Variants in SLC26A5 observed in about 807,000 individuals in gnomAD.
SLC26A5 encodes prestin.
In SLC26A5, 51 loss-of-function variants were observed where a neutral mutation model predicts 81.0. The ratio of observed to expected loss-of-function variants is 0.63; its 90% confidence interval spans 0.50 to 0.80. SLC26A5 has a LOEUF of 0.80. Among genes scored for constraint, SLC26A5 ranks in the 30% least tolerant of loss-of-function variants. The pLI, the probability that SLC26A5 is intolerant of heterozygous loss-of-function variation, is 0.00. For synonymous variants in SLC26A5, 325 were observed against 332.8 expected (o/e 0.98, Z 0.25); for missense variants, 771 against 905.8 (o/e 0.85, Z 1.91).
intron 19 of SLC26A5, among the ~76,000 whole-genome samples, chr7:103,366,847 C>T (rs1820743478): frequency 6.6e-6 from 1 of 152,052 alleles, no homozygotes; most frequent in African/African-American, 2.4e-5. Flanking sequence ...CTCTGTTGCT[C>T]AGGTTGGAGT....
chr7:103,445,044 T>C (rs955391812), intron 1 of SLC26A5, among the ~76,000 whole-genome samples: 2 of 152,200 alleles, frequency 1.3e-5, no homozygotes, highest in African/African-American at 4.8e-5. Context: ...CTAGTGCACA[T>C]TGTTCAGTTT....
rs1824392539 is a variant in SLC26A5 at position 103,410,409 on chromosome 7, G to A, written c.711C>T (p.Tyr237=). The change falls in exon 7 of 20, where the codon TAC becomes TAT. Residue 237 remains tyrosine, a synonymous_variant. Transcript: ENST00000306312. Reference sequence around the variant, plus strand: ...CATACACCACGGAAAAGATTCCACTGTACCGCTTTGTTTTAACTCCAAACA... The same window carrying A: ...CATACACCACGGAAAAGATTCCACTATACCGCTTTGTTTTAACTCCAAACA... The part of the protein sequence containing the change: ...KYLFGVKTKR[Y]SGIFSVVYST... 3.1e-6 allele frequency: 5 copies of A among 1,613,934 alleles called. No homozygotes were observed. The highest frequency in any genetic ancestry group is 1.1e-5 in the South Asian group (1 of 91,080).
intron 2 of SLC26A5, among the ~76,000 whole-genome samples, chr7:103,438,914 C>A (rs903978634): frequency 6.6e-6 from 1 of 152,126 alleles, no homozygotes; most frequent in South Asian, 2.1e-4. Context: ...TAAAAAATTT[C>A]TCAATTTTTA....
chr7:103,381,911 C>T (rs961539393), intron 14 of SLC26A5, among the ~76,000 whole-genome samples: 3 of 146,936 alleles, frequency 2.0e-5, no homozygotes, highest in African/African-American at 7.4e-5. Context: ...ATACATACAT[C>T]ACATACACCT....
At chr7:103,362,409 A>T (rs938307041) in intron 19 of SLC26A5, 211 of 1,341,570 alleles carry the variant, frequency 1.6e-4, no homozygotes, top group Middle Eastern at 5.8e-4. Flanking sequence ...AAGTGTGTTA[A>T]TGTCTATAGA....
intron 4 of SLC26A5, among the ~76,000 whole-genome samples, chr7:103,413,602 G>A (rs1032098887): frequency 1.3e-5 from 2 of 152,062 alleles, no homozygotes; most frequent in African/African-American, 2.4e-5. Context: ...TTTGGCTGGT[G>A]TATGCTCATC....
intron 5 of SLC26A5, among the ~76,000 whole-genome samples, 195 bp from the exon 6 acceptor site, chr7:103,411,781 CA>C (rs1315153571): frequency 6.6e-6 from 1 of 152,122 alleles, no homozygotes; most frequent in Non-Finnish European, 1.5e-5. Context: ...CTGTATTTTC[CA>C]AAAATAGACA....
At chr7:103,441,416 T>C (rs2108264) in intron 2 of SLC26A5, among the ~76,000 whole-genome samples, 46,818 of 152,080 alleles carry the variant, frequency 0.31, 8,346 homozygotes, top group East Asian at 0.62. Context: ...GAATTTACAA[T>C]GTAATGGCAA....
At chr7:103,439,595 G>A (rs1185857342) in intron 2 of SLC26A5, among the ~76,000 whole-genome samples, 3 of 152,108 alleles carry the variant, frequency 2.0e-5, no homozygotes, top group African/African-American at 7.2e-5. Flanking sequence ...GTGCAGTGGT[G>A]CGATCACAGC....
intron 9 of SLC26A5, among the ~76,000 whole-genome samples, chr7:103,395,317 A>C (rs1239702885): frequency 7.0e-6 from 1 of 142,976 alleles, no homozygotes; most frequent in Admixed American, 7.0e-5. Context: ...TCTCCTCTGG[A>C]TAGCCTGTTT....
At chr7:103,362,764 A>G in intron 19 of SLC26A5, 1 of 1,572,878 alleles carries the variant, frequency 6.4e-7, no homozygotes, top group Non-Finnish European at 8.7e-7. Flanking sequence ...TGCAGGTAAG[A>G]AACTATGGGA....
chr7:103,352,844 C>T (rs1207027463), exon 20 of SLC26A5: 1 of 780,790 alleles, frequency 1.3e-6, no homozygotes, highest in Non-Finnish European at 2.4e-6. Context: ...AAACCCTGTC[C>T]ACCTGGCCCC....
In SLC26A5 at chr7:103,413,117, G is replaced by A. The variant is rs754691304; in HGVS notation, c.293-5C>T. On this transcript the variant is annotated splice_region_variant and splice_polypyrimidine_tract_variant and intron_variant, in intron 4 of 19. Transcript: ENST00000306312. ...CCAGCATTGCAAAGGCTAAGCCTGT[G>A]GGATTAAAAACCAAACAGAAATGGG... 33 of 1,603,934 alleles carry A rather than the reference G, an allele frequency of 2.1e-5. No homozygotes were observed. Among genetic ancestry groups the A allele is most frequent in the Middle Eastern group, 1.6e-4 (1 of 6,062 alleles).
At chr7:103,402,638 A>C (rs1823696462) in intron 8 of SLC26A5, among the ~76,000 whole-genome samples, 1 of 151,546 alleles carries the variant, frequency 6.6e-6, no homozygotes, top group Admixed American at 6.6e-5. Flanking sequence ...TGACTTTCTG[A>C]TTTGCCTGCC....
chr7:103,378,111 G>C (rs1300141141), intron 17 of SLC26A5, among the ~76,000 whole-genome samples: 3 of 152,030 alleles, frequency 2.0e-5, no homozygotes, highest in African/African-American at 4.8e-5. Context: ...ACTTTAGTAT[G>C]ATGGGTCACA....
intron 19 of SLC26A5, among the ~76,000 whole-genome samples, chr7:103,358,613 T>TA (rs1427426765): frequency 5.9e-5 from 9 of 152,072 alleles, no homozygotes; most frequent in Non-Finnish European, 8.8e-5. Flanking sequence ...ATTTCTCAGG[T>TA]AAAAAAACTC....
Position 103,420,857 on chromosome 7 carries a change from C to A in SLC26A5, c.173G>T (p.Arg58Ile). 3 of 1,611,974 alleles carry A rather than the reference C, an allele frequency of 1.9e-6. No individual in the cohort carries two copies. Among genetic ancestry groups the A allele is most frequent in the Non-Finnish European group, 2.5e-6 (3 of 1,178,202 alleles). Residue 58 changes from arginine to isoleucine, a missense_variant, in exon 4 of 20, where the codon AGA becomes ATA. Physicochemically the swap from Arg to Ile is moderately conservative, Grantham distance 97 (BLOSUM62 -3). Coordinates refer to ENST00000306312, the MANE Select transcript of SLC26A5 (RefSeq NM_198999.3). ...QAFTCTPKKI[R>I]NIIYMFLPIT... ...GGGTAGGAACATATAAATGATATTTCTTATTTTTTTAGGAGTACATCTGAA... is the reference window on the plus strand; with the variant it reads ...GGGTAGGAACATATAAATGATATTTATTATTTTTTTAGGAGTACATCTGAA...
intron 2 of SLC26A5, among the ~76,000 whole-genome samples, chr7:103,422,758 A>G (rs544370101): frequency 6.6e-6 from 1 of 152,312 alleles, no homozygotes; most frequent in East Asian, 1.9e-4. Context: ...CATTTGAACT[A>G]TATACCTCAT....
At chr7:103,395,610 G>A (rs917811349) in intron 9 of SLC26A5, among the ~76,000 whole-genome samples, 6 of 147,394 alleles carry the variant, frequency 4.1e-5, no homozygotes, top group African/African-American at 1.5e-4. Flanking sequence ...TGCAACCTCC[G>A]CCTTCTGGTT....
Sources: allele counts gnomAD v4.1 joint callset (sites outside exome capture counted in the v4.1 genomes callset), GRCh38; gene constraint gnomAD v4.1.1; transcripts MANE v1.5; gene names NCBI Gene and HGNC (gene_info 2026-07-23, HGNC 2026-07-21).